ATXN1: variants seen among roughly 807,000 people sequenced by gnomAD.
ATXN1 encodes ataxin-1.
In ATXN1, 8 loss-of-function variants were observed where a neutral mutation model predicts 56.4. The ratio of observed to expected loss-of-function variants is 0.14; its 90% CI spans 0.08 to 0.26. The LOEUF is 0.26. Among genes scored for constraint, ATXN1 ranks in the 10% least tolerant of loss-of-function variants. ATXN1 has a pLI of 1.00. For synonymous variants in ATXN1, 514 were observed against 494.6 expected (o/e 1.04, Z -0.52); for missense variants, 987 against 1,106.5 (o/e 0.89, Z 1.53).
rs66826504 is a variant in ATXN1 at position 16,389,347 on chromosome 6, G to GA, written c.-160-60878dup. On this transcript the variant is annotated intron_variant, in intron 6 of 7. Coordinates refer to ENST00000436367, the MANE Select transcript of ATXN1 (RefSeq NM_001128164.2). ...GCGAGACTCCATCTCCAAAAAAAAA[G>GA]AAAAAAAAAAAAGGAAAGAAAAAGA... is the stretch of plus-strand genomic sequence containing the variant. Among the ~76,000 whole-genome samples, 319 of 127,746 alleles carry GA rather than the reference G, an allele frequency of 2.5e-3. 3 individuals carry two copies. Among genetic ancestry groups the GA allele is most frequent in the Middle Eastern group, 7.6e-3 (2 of 264 alleles). The allele number at this position is 127,746 out of a possible 152,430, so 83.8% of individuals were successfully genotyped here.
At chr6:16,501,866 T>G (rs1034190219) in intron 5 of ATXN1, among the ~76,000 whole-genome samples, 2 of 152,152 alleles carry the variant, frequency 1.3e-5, no homozygotes, top group Admixed American at 6.5e-5. Flanking sequence ...TCAAATGGTA[T>G]TTCTGGTTCT....
intron 2 of ATXN1, among the ~76,000 whole-genome samples, chr6:16,741,097 A>ACATGTATTTCTAACC (rs1400528991): frequency 6.6e-6 from 1 of 152,248 alleles, no homozygotes; most frequent in Non-Finnish European, 1.5e-5. Flanking sequence ...AGCACAGGCT[A>ACATGTATTTCTAACC]CATGTATTTC....
chr6:16,543,456 T>A (rs1019053828), intron 4 of ATXN1, among the ~76,000 whole-genome samples: 1 of 152,104 alleles, frequency 6.6e-6, no homozygotes, highest in Non-Finnish European at 1.5e-5. Context: ...CTTGCACATA[T>A]GCTAAAGGCA....
At chr6:16,548,945 G>A (rs978630909) in intron 4 of ATXN1, among the ~76,000 whole-genome samples, 12 of 151,994 alleles carry the variant, frequency 7.9e-5, no homozygotes, top group Non-Finnish European at 1.5e-4. Flanking sequence ...TACATAAATA[G>A]CAAACAAAAT....
rs560194741 is a variant in ATXN1 at position 16,658,297 on chromosome 6, T to G, written c.-614-396A>C. 9.2e-5 allele frequency among the ~76,000 whole-genome samples: 14 copies of G among 152,260 alleles called. No homozygotes were observed. The East Asian group carries it at 2.5e-3, about 27-fold the overall frequency. On this transcript the variant is annotated intron_variant, in intron 2 of 7. Coordinates refer to ENST00000436367, the MANE Select transcript of ATXN1 (RefSeq NM_001128164.2). The stretch of plus-strand genomic sequence containing the variant: ...TATCAAGGGCAGAAAGTGAAGAAAG[T>G]TTGCTTCAAATGAAAGACTCAGACT...
intron 2 of ATXN1, chr6:16,750,216 T>C (rs1169671710): frequency 6.6e-6 from 1 of 152,244 alleles, no homozygotes; most frequent in African/African-American, 2.4e-5. Flanking sequence ...TTCCCCTGCC[T>C]GACCAGGAAG....
At chr6:16,378,537 C>CTTCA (rs200062366) in intron 6 of ATXN1, among the ~76,000 whole-genome samples, 1 of 146,694 alleles carries the variant, frequency 6.8e-6, no homozygotes, top group Non-Finnish European at 1.5e-5. Flanking sequence ...CCTCTCTTGA[C>CTTCA]TTTATTTATT....
At chr6:16,523,591 C>T (rs1481140340) in intron 4 of ATXN1, among the ~76,000 whole-genome samples, 1 of 152,142 alleles carries the variant, frequency 6.6e-6, no homozygotes, top group African/African-American at 2.4e-5. Flanking sequence ...AATAAATAAC[C>T]AAAGTACCCC....
rs114378930 is a variant in ATXN1 at position 16,469,483 on chromosome 6, G to T, written c.-161+16489C>A. 8.5e-3 allele frequency among the ~76,000 whole-genome samples: 1,292 copies of T among 152,292 alleles called. 5 individuals are homozygous for T. Among genetic ancestry groups the T allele is most frequent in the Non-Finnish European group, 0.015 (987 of 68,020 alleles). ...TAATAGAAAACTAGCTGATGGCTTT[G>T]CTTGATACTTGAGGACTGAACTACT... On this transcript the variant is annotated intron_variant, in intron 6 of 7. Transcript: ENST00000436367.
At chr6:16,713,821 T>G (rs1350878906) in intron 2 of ATXN1, among the ~76,000 whole-genome samples, 1 of 152,172 alleles carries the variant, frequency 6.6e-6, no homozygotes, top group East Asian at 1.9e-4. Context: ...GCCTTCCAGG[T>G]GCCTCTGATG....
intron 3 of ATXN1, among the ~76,000 whole-genome samples, chr6:16,628,866 T>C (rs574938896): frequency 1.3e-5 from 2 of 152,322 alleles, no homozygotes; most frequent in East Asian, 3.9e-4. Context: ...CAATCTGTCA[T>C]TGATGGGCAT....
At chr6:16,663,402 T>C (rs950856538) in intron 2 of ATXN1, among the ~76,000 whole-genome samples, 3 of 152,206 alleles carry the variant, frequency 2.0e-5, no homozygotes, top group African/African-American at 7.2e-5. Context: ...TTTTGAATTA[T>C]ATAAAATACA....
At chr6:16,730,134 T>C (rs938859096) in intron 2 of ATXN1, among the ~76,000 whole-genome samples, 2 of 152,024 alleles carry the variant, frequency 1.3e-5, no homozygotes, top group African/African-American at 4.8e-5. Flanking sequence ...AATACAAAAA[T>C]TAGTCGGGCA....
intron 6 of ATXN1, among the ~76,000 whole-genome samples, chr6:16,344,959 G>C (rs1191130086): frequency 6.6e-6 from 1 of 152,196 alleles, no homozygotes; most frequent in Non-Finnish European, 1.5e-5. Context: ...TCATTAGACC[G>C]TAAACTCCGA....
chr6:16,301,393 G>A lies in ATXN1; in HGVS notation c.*4936C>T, dbSNP rs1760094540. The A allele has an allele frequency of 6.6e-6, 1 of 152,574 alleles. No homozygotes were observed. The highest frequency in any genetic ancestry group is 2.4e-5 in the African/African-American group (1 of 41,428). 9.5% of individuals were successfully genotyped at this position (152,574 alleles called of 1,614,324 possible). A position where few individuals can be genotyped will look rare whatever the true frequency, so the allele number is the denominator to read the frequency against. On this transcript the variant is annotated 3_prime_UTR_variant, in exon 8 of 8. Transcript: ENST00000436367. ...TCAGCTCCGGAGTAGAGGTGTGCAA[G>A]TTGTTTGGAGTTTCCCTATGCCAGA...
chr6:16,435,199 T>C (rs1309021264), intron 6 of ATXN1, among the ~76,000 whole-genome samples: 2 of 152,146 alleles, frequency 1.3e-5, no homozygotes, highest in Non-Finnish European at 2.9e-5. Context: ...TTGAACGTGC[T>C]GAGTTCAGGT....
intron 2 of ATXN1, among the ~76,000 whole-genome samples, chr6:16,733,001 A>AT (rs1760025875): frequency 6.6e-6 from 1 of 152,142 alleles, no homozygotes; most frequent in African/African-American, 2.4e-5. Flanking sequence ...CTCTTTACCT[A>AT]TTTTTTAAAT....
At chr6:16,354,731 T>C (rs1045228933) in intron 6 of ATXN1, among the ~76,000 whole-genome samples, 4 of 152,198 alleles carry the variant, frequency 2.6e-5, no homozygotes, top group African/African-American at 9.6e-5. Flanking sequence ...AGGCAACAAG[T>C]AGATCAAGAG....
At chr6:16,348,605 G>C (rs1434635599) in intron 6 of ATXN1, among the ~76,000 whole-genome samples, 4 of 151,992 alleles carry the variant, frequency 2.6e-5, no homozygotes, top group African/African-American at 7.3e-5. Context: ...TGAGGCAGAA[G>C]AATCACTTGA....
Sources: gnomAD v4.1 joint callset for allele counts (sites outside exome capture counted in the v4.1 genomes callset) on GRCh38, gnomAD v4.1.1 for gene constraint, MANE v1.5 for transcripts, NCBI Gene and HGNC (gene_info 2026-07-23, HGNC 2026-07-21) for gene names.